Variants in KIF11 observed in about 807,000 individuals in gnomAD.
KIF11 encodes kinesin-like protein KIF11.
Under a neutral mutation model 121.0 loss-of-function variants are expected in KIF11, and 9 were observed. That is an observed-to-expected ratio of 0.07 (90% CI 0.04 to 0.13). The LOEUF (loss-of-function observed/expected upper bound fraction) is 0.13, where lower values mean the gene tolerates loss of function less well. Among genes scored for constraint, KIF11 ranks in the 10% least tolerant of loss-of-function variants. The probability of loss-of-function intolerance (pLI) is 1.00; values close to 1 mark genes in which losing one functional copy is unlikely to be tolerated. For synonymous variants in KIF11, 408 were observed against 421.0 expected (o/e 0.97, Z 0.38); for missense variants, 846 against 1,217.5 (o/e 0.69, Z 4.54).
At chr10:92,636,258 G>A (rs987926895) in intron 14 of KIF11, among the ~76,000 whole-genome samples, 1 of 152,056 alleles carries the variant, frequency 6.6e-6, no homozygotes, top group Non-Finnish European at 1.5e-5. Context: ...AATTTATTTT[G>A]TTTGGAGTGC....
chr10:92,614,511 T>C (rs924798280), intron 8 of KIF11, among the ~76,000 whole-genome samples: 5 of 152,212 alleles, frequency 3.3e-5, no homozygotes, highest in Admixed American at 6.5e-5. Context: ...TTTTTAACCT[T>C]AAAAAGCCAG....
At chr10:92,639,530 C>G (rs188966618) in intron 16 of KIF11, among the ~76,000 whole-genome samples, 1 of 152,152 alleles carries the variant, frequency 6.6e-6, no homozygotes, top group Non-Finnish European at 1.5e-5. Flanking sequence ...GAGGTTGAAG[C>G]TGCAGTGAGC....
chr10:92,600,913 C>T (rs1241770676), intron 1 of KIF11, among the ~76,000 whole-genome samples: 6 of 139,302 alleles, frequency 4.3e-5, no homozygotes, highest in South Asian at 4.7e-4. Flanking sequence ...CAGGCTGGAG[C>T]GCGGTGGCGC....
chr10:92,594,420 CACTT>C (rs1253980948), intron 1 of KIF11, among the ~76,000 whole-genome samples: 12 of 152,304 alleles, frequency 7.9e-5, no homozygotes, highest in African/African-American at 2.9e-4. Flanking sequence ...TAGCCAGTGA[CACTT>C]ACTAGTTGTT....
intron 8 of KIF11, among the ~76,000 whole-genome samples, chr10:92,614,047 C>T (rs1217820258): frequency 2.7e-5 from 4 of 146,072 alleles, no homozygotes; most frequent in Admixed American, 6.8e-5. Context: ...CACACACACA[C>T]ACACACACAC....
At position 92,632,625 on chromosome 10, in the gene KIF11, T is replaced by C. The variant is rs1564713037; in HGVS notation, c.1634T>C (p.Met545Thr). The C allele has an allele frequency of 6.2e-7, 1 of 1,613,218 alleles. No individual in the cohort carries two copies. Among genetic ancestry groups the C allele is most frequent in the Non-Finnish European group, 8.5e-7 (1 of 1,179,602 alleles). ...GKNLNSLFNNMEELIKDGSSK... is the reference protein window; with the variant it reads ...GKNLNSLFNNTEELIKDGSSK... The stretch of plus-strand genomic sequence containing the variant: ...AACCTGAATAGTCTGTTTAATAATA[T>C]GGAAGAATTAATTAAGGATGGCAGC... The change falls in exon 13 of 22, where the codon ATG (methionine) becomes ACG (threonine). Residue 545 changes from methionine (M) to threonine (T), a missense_variant. By Grantham distance (81) the Met-to-Thr change is moderately conservative. This residue lies in a region of KIF11 where 492 missense variants were observed against 603.4 expected (regional missense o/e 0.82). Transcript: ENST00000260731.
intron 19 of KIF11, among the ~76,000 whole-genome samples, chr10:92,649,107 A>G (rs979322668): frequency 6.6e-6 from 1 of 150,620 alleles, no homozygotes; most frequent in African/African-American, 2.5e-5. Flanking sequence ...TATGTAAATT[A>G]TATCACAAAA....
intron 20 of KIF11, 140 bp from the exon 21 acceptor site, chr10:92,650,261 T>A: frequency 3.2e-6 from 2 of 633,482 alleles, no homozygotes; most frequent in South Asian, 2.1e-5. Context: ...TTTCATTAAT[T>A]TGTAGACTTT....
At chr10:92,619,469 A>G (rs1404906746) in intron 9 of KIF11, among the ~76,000 whole-genome samples, 1 of 152,202 alleles carries the variant, frequency 6.6e-6, no homozygotes, top group Non-Finnish European at 1.5e-5. Flanking sequence ...ATTTATAGGT[A>G]TTTATGTAAA....
chr10:92,651,763 A>T (rs190007468), intron 21 of KIF11, among the ~76,000 whole-genome samples: 3 of 151,410 alleles, frequency 2.0e-5, no homozygotes, highest in Non-Finnish European at 4.4e-5. Flanking sequence ...CCAGTCCCTT[A>T]ATGTTCTCTA....
chr10:92,617,171 G>A (rs971240720), intron 9 of KIF11, among the ~76,000 whole-genome samples: 5 of 152,168 alleles, frequency 3.3e-5, no homozygotes, highest in African/African-American at 1.2e-4. Flanking sequence ...TGCATTTACA[G>A]AGTTGTGGAG....
chr10:92,642,696 A>G (rs1844878391), intron 17 of KIF11, among the ~76,000 whole-genome samples: 1 of 152,104 alleles, frequency 6.6e-6, no homozygotes, highest in Admixed American at 6.6e-5. Context: ...TCATTATGTA[A>G]TATCCACTTT....
At chr10:92,636,581 A>T (rs1008891427) in intron 14 of KIF11, among the ~76,000 whole-genome samples, 1 of 151,884 alleles carries the variant, frequency 6.6e-6, no homozygotes, top group Non-Finnish European at 1.5e-5. Context: ...ACGCCATTGC[A>T]CTCCAGCCTG....
chr10:92,643,066 C>G (rs1040482734), intron 17 of KIF11, among the ~76,000 whole-genome samples: 11 of 152,154 alleles, frequency 7.2e-5, no homozygotes, highest in African/African-American at 2.7e-4. Flanking sequence ...CACACACCAC[C>G]ATGCCCAGCT....
intron 14 of KIF11, among the ~76,000 whole-genome samples, chr10:92,636,742 G>A (rs1361902436): frequency 6.6e-6 from 1 of 151,394 alleles, no homozygotes; most frequent in African/African-American, 2.4e-5. Flanking sequence ...TATAAAAAAT[G>A]GAGAATGGGG....
intron 10 of KIF11, among the ~76,000 whole-genome samples, chr10:92,622,855 A>T (rs1844633243): frequency 6.6e-6 from 1 of 152,128 alleles, no homozygotes; most frequent in Non-Finnish European, 1.5e-5. Context: ...CTGGTAGAAG[A>T]GCTAAGGAGA....
intron 1 of KIF11, among the ~76,000 whole-genome samples, chr10:92,595,279 C>T (rs992503204): frequency 1.3e-5 from 2 of 152,150 alleles, no homozygotes; most frequent in Non-Finnish European, 2.9e-5. Context: ...AGGCTGGTCT[C>T]GAACTCCTGA....
At chr10:92,653,261 A>G (rs1237725616) in intron 21 of KIF11, among the ~76,000 whole-genome samples, 1 of 152,042 alleles carries the variant, frequency 6.6e-6, no homozygotes, top group East Asian at 1.9e-4. Flanking sequence ...CTATGTTGGT[A>G]CACAAGAAAA....
intron 13 of KIF11, among the ~76,000 whole-genome samples, chr10:92,633,001 G>T (rs1456963874): frequency 6.6e-6 from 1 of 151,972 alleles, no homozygotes; most frequent in Non-Finnish European, 1.5e-5. Context: ...TTGACCATAG[G>T]TGTTATTGTT....
Sources: gnomAD v4.1 joint callset for allele counts (sites outside exome capture counted in the v4.1 genomes callset) on GRCh38, gnomAD v4.1.1 for gene constraint, gnomAD v4.1.1 regional missense constraint, MANE v1.5 for transcripts, NCBI Gene and HGNC (gene_info 2026-07-23, HGNC 2026-07-21) for gene names.